The following TOX variants were observed in gnomAD, a reference collection of about 807,000 sequenced individuals.
The protein encoded by TOX is thymocyte selection-associated high mobility group box protein TOX.
A neutral mutation model predicts 53.7 loss-of-function variants in TOX; 11 were observed. The observed-to-expected ratio is 0.20, with a 90% CI of 0.13 to 0.34. TOX has a LOEUF of 0.34. Ranked by LOEUF, TOX falls within the 10% of genes least tolerant of loss-of-function variation. The pLI is 1.00. For synonymous variants in TOX, 225 were observed against 245.3 expected (o/e 0.92, Z 0.77); for missense variants, 570 against 664.6 (o/e 0.86, Z 1.56).
intron 1 of TOX, among the ~76,000 whole-genome samples, chr8:59,046,071 A>C (rs1323979614): frequency 6.6e-6 from 1 of 152,142 alleles, no homozygotes; most frequent in Non-Finnish European, 1.5e-5. Context: ...CTCTGTGTGT[A>C]ATGACTTTTA....
At chr8:58,956,391 T>G (rs1484389992) in intron 2 of TOX, among the ~76,000 whole-genome samples, 1 of 152,216 alleles carries the variant, frequency 6.6e-6, no homozygotes, top group African/African-American at 2.4e-5. Flanking sequence ...TGTTTTGTTC[T>G]GCCTGCTGGC....
chr8:59,105,312 T>G (rs143961048), intron 1 of TOX, among the ~76,000 whole-genome samples: 141 of 152,316 alleles, frequency 9.3e-4, no homozygotes, highest in Non-Finnish European at 1.3e-3. Flanking sequence ...ATAAAGTTCA[T>G]TACCAGAATA....
At chr8:58,905,057 T>C (rs930317975) in intron 3 of TOX, among the ~76,000 whole-genome samples, 2 of 152,126 alleles carry the variant, frequency 1.3e-5, no homozygotes, top group Non-Finnish European at 2.9e-5. Context: ...CTCAGCCTCC[T>C]GAGTAGCTGG....
intron 1 of TOX, among the ~76,000 whole-genome samples, chr8:59,080,217 G>A (rs927201159): frequency 6.6e-5 from 10 of 152,052 alleles, no homozygotes; most frequent in East Asian, 5.8e-4. Flanking sequence ...TCCTGACCTC[G>A]TGATCCACCT....
At position 58,893,049 on chromosome 8, in the gene TOX, T is replaced by C. The variant is rs544794121; in HGVS notation, c.412-41244A>G. 1.1e-3 allele frequency among the ~76,000 whole-genome samples: 162 copies of C among 152,316 alleles called. 1 individual carries two copies. Among genetic ancestry groups the C allele is most frequent in the African/African-American group, 3.7e-3 (153 of 41,564 alleles). Reference sequence around the variant, plus strand: ...AAATAAAAGTGTAAGAGCAAATAAATTGTCTTTATATTACTCTACTATATT... The same window carrying C: ...AAATAAAAGTGTAAGAGCAAATAAACTGTCTTTATATTACTCTACTATATT... On this transcript the variant is annotated intron_variant, in intron 3 of 8. Coordinates refer to ENST00000361421, the MANE Select transcript of TOX (RefSeq NM_014729.3).
At chr8:59,109,286 A>G (rs1804970269) in intron 1 of TOX, among the ~76,000 whole-genome samples, 1 of 152,172 alleles carries the variant, frequency 6.6e-6, no homozygotes, top group African/African-American at 2.4e-5. Flanking sequence ...TGACTGTGGA[A>G]ATGGAAACAT....
intron 4 of TOX, among the ~76,000 whole-genome samples, chr8:58,844,672 A>G (rs1810694374): frequency 6.6e-6 from 1 of 152,158 alleles, no homozygotes; most frequent in Non-Finnish European, 1.5e-5. Context: ...TGAAACAAAC[A>G]TAGAAATTGT....
At chr8:58,865,867 C>CTTTTTTTTT (rs1563373948) in intron 3 of TOX, among the ~76,000 whole-genome samples, 3 of 55,778 alleles carry the variant, frequency 5.4e-5, no homozygotes, top group Non-Finnish European at 1.1e-4. Context: ...CAGAGTCTCA[C>CTTTTTTTTT]TCTGTCGTCC....
chr8:58,961,813 G>A (rs533714158), intron 1 of TOX, among the ~76,000 whole-genome samples: 1 of 152,088 alleles, frequency 6.6e-6, no homozygotes, highest in Non-Finnish European at 1.5e-5. Flanking sequence ...AGCTGAACAG[G>A]TGAATTCTTT....
chr8:58,827,729 G>C (rs995509481), intron 5 of TOX, among the ~76,000 whole-genome samples: 2 of 152,160 alleles, frequency 1.3e-5, no homozygotes, highest in East Asian at 3.9e-4. Flanking sequence ...TGACTTGCTT[G>C]TATGCTAAAG....
chr8:58,821,764 T>C (rs1810280255), intron 6 of TOX, among the ~76,000 whole-genome samples: 1 of 152,218 alleles, frequency 6.6e-6, no homozygotes, highest in Non-Finnish European at 1.5e-5. Context: ...GTAATTTGTA[T>C]AGATTTGCTT....
chr8:59,030,373 C>T (rs1585975040), intron 1 of TOX, among the ~76,000 whole-genome samples: 1 of 152,190 alleles, frequency 6.6e-6, no homozygotes, highest in East Asian at 1.9e-4. Flanking sequence ...GCGCACTGCA[C>T]AGTTGCTGCT....
At chr8:58,901,267 T>C (rs547290638) in intron 3 of TOX, among the ~76,000 whole-genome samples, 88 of 152,292 alleles carry the variant, frequency 5.8e-4, no homozygotes, top group African/African-American at 1.9e-3. Flanking sequence ...AAATGCACTT[T>C]ATGTTCCACA....
At chr8:59,038,454 C>T (rs192906511) in intron 1 of TOX, among the ~76,000 whole-genome samples, 34 of 152,290 alleles carry the variant, frequency 2.2e-4, no homozygotes, top group Admixed American at 2.1e-3. Context: ...AGAGCTGACA[C>T]ATCAACATTT....
At chr8:58,964,658 C>A (rs1397117442) in intron 1 of TOX, among the ~76,000 whole-genome samples, 9 of 152,160 alleles carry the variant, frequency 5.9e-5, no homozygotes, top group Admixed American at 5.9e-4. Context: ...TCTCTCATGT[C>A]ATGATTGAAT....
At chr8:58,830,608 T>A (rs1810437241) in intron 5 of TOX, among the ~76,000 whole-genome samples, 1 of 152,156 alleles carries the variant, frequency 6.6e-6, no homozygotes, top group Non-Finnish European at 1.5e-5. Context: ...AAACAATCCA[T>A]CCAGCTCATA....
intron 1 of TOX, among the ~76,000 whole-genome samples, chr8:59,057,206 T>C (rs1006687984): frequency 1.3e-5 from 2 of 152,118 alleles, no homozygotes; most frequent in African/African-American, 4.8e-5. Flanking sequence ...AAAATATGAT[T>C]CAGGGAAAAT....
chr8:58,931,786 T>G (rs1812258577), intron 3 of TOX, among the ~76,000 whole-genome samples: 1 of 152,206 alleles, frequency 6.6e-6, no homozygotes, highest in African/African-American at 2.4e-5. Context: ...ATACCCTTTT[T>G]ACTTCTTTCA....
At chr8:59,111,682 T>C (rs1805019185) in intron 1 of TOX, among the ~76,000 whole-genome samples, 1 of 152,156 alleles carries the variant, frequency 6.6e-6, no homozygotes, top group African/African-American at 2.4e-5. Context: ...AAAAGGCATT[T>C]TAGCCAAAAG....
Sources: gnomAD v4.1 joint callset for allele counts (sites outside exome capture counted in the v4.1 genomes callset) on GRCh38, gnomAD v4.1.1 for gene constraint, MANE v1.5 for transcripts, NCBI Gene and HGNC (gene_info 2026-07-23, HGNC 2026-07-21) for gene names.